The following KISS1 variants were observed in gnomAD, a reference collection of about 807,000 sequenced individuals.
KISS1 encodes KiSS-1 metastasis suppressor.
For synonymous variants in KISS1, 97 were observed against 88.7 expected, an observed-to-expected ratio of 1.09 and a Z score of -0.52; for missense variants, 182 against 182.7, an observed-to-expected ratio of 1.00 and a Z score of 0.02.
chr1:204,191,717 G>C (rs1658746592), intron 2 of KISS1, among the ~76,000 whole-genome samples: 1 of 152,208 alleles, frequency 6.6e-6, no homozygotes, highest in Non-Finnish European at 1.5e-5. Context: ...GTGTGGACCT[G>C]GTCCAGAGTT....
At chr1:204,194,899 G>A (rs1425450250) in intron 1 of KISS1, among the ~76,000 whole-genome samples, 2 of 152,074 alleles carry the variant, frequency 1.3e-5, no homozygotes, top group Non-Finnish European at 2.9e-5. Context: ...TGGGGGAAGG[G>A]GCCCTGCAGG....
chr1:204,195,306 A>ACC (rs1658830489), intron 1 of KISS1, among the ~76,000 whole-genome samples: 1 of 53,044 alleles, frequency 1.9e-5, no homozygotes, highest in African/African-American at 7.1e-5. Flanking sequence ...ACACCCATAC[A>ACC]CACACATACA....
At chr1:204,195,271 CAT>C (rs1200543103) in intron 1 of KISS1, among the ~76,000 whole-genome samples, 13 of 1,162 alleles carry the variant, frequency 0.011, no homozygotes, top group African/African-American at 0.019. Context: ...TACACACACA[CAT>C]ACACCACACA....
chr1:204,191,298 G>A (rs1399130105), intron 2 of KISS1, among the ~76,000 whole-genome samples: 1 of 152,114 alleles, frequency 6.6e-6, no homozygotes, highest in Non-Finnish European at 1.5e-5. Context: ...AAGACATTGT[G>A]GCCCCACACA....
Position 204,190,410 on chromosome 1 carries a change from C to CT in KISS1, c.*73_*74insA. 2.3e-6 allele frequency: 1 copy of CT among 440,374 alleles called. No homozygotes were observed. Among genetic ancestry groups the CT allele is most frequent in the South Asian group, 1.7e-5 (1 of 58,170 alleles). 27.3% of individuals were successfully genotyped at this position (440,374 alleles called of 1,614,324 possible). A position where few individuals can be genotyped will look rare whatever the true frequency, so the allele number is the denominator to read the frequency against. The stretch of plus-strand genomic sequence containing the variant: ...AGCGCCCCCTCCCTTAGCCCTACGT[C>CT]CCCGCCCCCCGCCCCCGCCCCGCAT... On this transcript the variant is annotated 3_prime_UTR_variant, in exon 3 of 3. Transcript: ENST00000367194.
intron 1 of KISS1, among the ~76,000 whole-genome samples, chr1:204,195,250 C>T: frequency 4.7e-5 from 7 of 149,712 alleles, no homozygotes; most frequent in Non-Finnish European, 7.4e-5. Flanking sequence ...TACACCCATA[C>T]ACACACATCA....
intron 2 of KISS1, among the ~76,000 whole-genome samples, 178 bp from the exon 3 acceptor site, chr1:204,190,975 C>A (rs573998811): frequency 4.6e-5 from 7 of 152,314 alleles, no homozygotes; most frequent in African/African-American, 1.7e-4. Flanking sequence ...TAGGCGCCTC[C>A]CTCTTCCAAC....
At chr1:204,194,336 G>A (rs1390788594) in intron 1 of KISS1, among the ~76,000 whole-genome samples, 1 of 152,240 alleles carries the variant, frequency 6.6e-6, no homozygotes, top group Non-Finnish European at 1.5e-5. Flanking sequence ...ACTGTGACAA[G>A]TTGAAACCCA....
chr1:204,192,814 T>C lies in KISS1; in HGVS notation c.63A>G (p.Pro21=), dbSNP rs750977670. ...LFLCATHFGE[P]LEKVASVGNS... ...TCCCCACAGAGGCCACCTTTTCTAA[T>C]GGCTCCCCAAAGTGGGTGGCACAGA... Residue 21 remains proline, a synonymous_variant, in exon 2 of 3, where the codon CCA becomes CCG. Coordinates refer to ENST00000367194, the MANE Select transcript of KISS1 (RefSeq NM_002256.4). This position sits in a 1 kb window ranked among gnomAD's most constrained non-coding sequence, Gnocchi z 4.2. The C allele has an allele frequency of 2.5e-6, 4 of 1,600,276 alleles. No individual in the cohort carries two copies. The East Asian group carries it at 8.9e-5, about 36-fold the overall frequency.
intron 1 of KISS1, among the ~76,000 whole-genome samples, chr1:204,194,023 G>C (rs905144823): frequency 2.9e-4 from 44 of 152,228 alleles, no homozygotes; most frequent in African/African-American, 1.0e-3. Context: ...AGAACCTTTT[G>C]TGCCCATCAG....
rs5780218 is a variant in KISS1 at position 204,196,481 on chromosome 1, CA to C, written c.-145del. The C allele has an allele frequency of 0.43, 65,514 of 152,152 alleles. 17,345 individuals are homozygous for C. The highest frequency in any genetic ancestry group is 0.76 in the African/African-American group (31,289 of 41,440). 9.4% of individuals were successfully genotyped at this position (152,152 alleles called of 1,614,324 possible). On this transcript the variant is annotated 5_prime_UTR_variant, in exon 1 of 3. Coordinates refer to ENST00000367194, the MANE Select transcript of KISS1 (RefSeq NM_002256.4). ...GGGTGGGCAGCTGGGCTCCCGGTCTCAAGAGTTCTCCCCAGCTCCCTGATCA... is the reference window on the plus strand; with the variant it reads ...GGGTGGGCAGCTGGGCTCCCGGTCTCAGAGTTCTCCCCAGCTCCCTGATCA...
At position 204,190,724 on chromosome 1, in the gene KISS1, A is replaced by C. The variant is rs1226255273; in HGVS notation, c.177T>G (p.Ala59=). 6.2e-7 allele frequency: 1 copy of C among 1,609,186 alleles called. No homozygotes were observed. Among genetic ancestry groups the C allele is most frequent in the Non-Finnish European group, 8.5e-7 (1 of 1,178,896 alleles). ...QSLPCTERKP[A]ATARLSRRGT... ...CCCGACGGCTCAGCCTGGCAGTAGC[A>C]GCTGGCTTCCTCTCGGTGCACGGCA... The change falls in exon 3 of 3, where the codon GCT becomes GCG. Residue 59 remains alanine (A), a synonymous_variant. Coordinates refer to ENST00000367194, the MANE Select transcript of KISS1 (RefSeq NM_002256.4).
intron 1 of KISS1, among the ~76,000 whole-genome samples, chr1:204,193,308 G>A (rs1161762991): frequency 9.2e-5 from 14 of 152,132 alleles, no homozygotes. Flanking sequence ...CCATATATAG[G>A]AGTGACTGGG....
chr1:204,195,456 TAC>T lies in KISS1; in HGVS notation c.-39+918_-39+919del, dbSNP rs1259194085. 1.1e-4 allele frequency among the ~76,000 whole-genome samples: 10 copies of T among 93,120 alleles called. No homozygotes were observed. The East Asian group carries it at 1.9e-3, about 18-fold the overall frequency. The allele number at this position is 93,120 out of a possible 152,430, so 61.1% of individuals were successfully genotyped here. A position where few individuals can be genotyped will look rare whatever the true frequency, so the allele number is the denominator to read the frequency against. On this transcript the variant is annotated intron_variant, in intron 1 of 2. Coordinates refer to ENST00000367194, the MANE Select transcript of KISS1 (RefSeq NM_002256.4). ...CACACATACACCCATACACACAACATACACACACACATACACACATCCATACA... is the reference window on the plus strand; with the variant it reads ...CACACATACACCCATACACACAACATACACACACATACACACATCCATACA...
chr1:204,195,258 T>TACACC (rs1558254669), intron 1 of KISS1, among the ~76,000 whole-genome samples: 2 of 26,100 alleles, frequency 7.7e-5, no homozygotes, highest in Non-Finnish European at 1.6e-4. Flanking sequence ...TACACACACA[T>TACACC]CATACACACA....
chr1:204,191,506 G>A (rs760315438), intron 2 of KISS1, among the ~76,000 whole-genome samples: 16 of 152,360 alleles, frequency 1.1e-4, no homozygotes, highest in Non-Finnish European at 2.4e-4. Flanking sequence ...CACTTCACAT[G>A]CAAGGCTCAT....
chr1:204,196,068 C>T (rs1473441555), intron 1 of KISS1, among the ~76,000 whole-genome samples: 5 of 152,198 alleles, frequency 3.3e-5, no homozygotes, highest in Admixed American at 6.5e-5. Flanking sequence ...TCCATCCAAG[C>T]GTGTCTGTGG....
chr1:204,192,732 C>T lies in KISS1; in HGVS notation c.103+42G>A, dbSNP rs889240922. ...TACGGGAAAGCTCATTTTGCAACAACCCACTTGCTCCCTCCCACTCCTTTC... is the reference window on the plus strand; with the variant it reads ...TACGGGAAAGCTCATTTTGCAACAATCCACTTGCTCCCTCCCACTCCTTTC... On this transcript the variant is annotated intron_variant, in intron 2 of 2. Transcript: ENST00000367194. The surrounding 1 kb of genome is among the most constrained non-coding windows in gnomAD (Gnocchi z 4.2). The T allele has an allele frequency of 4.5e-5, 56 of 1,250,066 alleles. No individual in the cohort carries two copies. Among genetic ancestry groups the T allele is most frequent in the Non-Finnish European group, 6.2e-5 (54 of 866,108 alleles). The allele number at this position is 1,250,066 out of a possible 1,614,324, so 77.4% of individuals were successfully genotyped here. A position where few individuals can be genotyped will look rare whatever the true frequency, so the allele number is the denominator to read the frequency against.
chr1:204,195,264 A>ACACACACACCACACACAC (rs1265755237), intron 1 of KISS1, among the ~76,000 whole-genome samples: 1 of 9,304 alleles, frequency 1.1e-4, no homozygotes, highest in Non-Finnish European at 2.3e-4. Flanking sequence ...CACATCATAC[A>ACACACACACCACACACAC]CACACACATA....
Sources: allele counts gnomAD v4.1 joint callset (sites outside exome capture counted in the v4.1 genomes callset), GRCh38; gene constraint gnomAD v4.1.1; non-coding constraint Gnocchi (gnomAD v3.1); transcripts MANE v1.5; gene names NCBI Gene and HGNC (gene_info 2026-07-23, HGNC 2026-07-21).